HIPK3: variants seen among roughly 807,000 people sequenced by gnomAD.
HIPK3 encodes the protein homeodomain interacting protein kinase 3, also known as homeodomain-interacting protein kinase 3.
A neutral mutation model predicts 124.2 loss-of-function variants in HIPK3; 47 were observed. That is an observed-to-expected ratio of 0.38 (90% CI 0.30 to 0.48). The LOEUF (loss-of-function observed/expected upper bound fraction) is 0.48, where lower values mean the gene tolerates loss of function less well. HIPK3 is among the 20% of genes least tolerant of loss of function. HIPK3 has a pLI of 0.98. For missense variants in HIPK3, 1,286 were observed against 1,454.3 expected (o/e 0.88, Z 1.88); for synonymous variants, 482 against 515.2 (o/e 0.94, Z 0.87).
intron 1 of HIPK3, among the ~76,000 whole-genome samples, chr11:33,281,325 C>A (rs1436630999): frequency 6.6e-6 from 1 of 152,078 alleles, no homozygotes; most frequent in Non-Finnish European, 1.5e-5. Flanking sequence ...CAAAAGTAGA[C>A]AGGATAGCAT....
intron 6 of HIPK3, among the ~76,000 whole-genome samples, chr11:33,339,895 G>C (rs536452973): frequency 6.6e-6 from 1 of 152,166 alleles, no homozygotes; most frequent in Admixed American, 6.5e-5. Flanking sequence ...ATCATATTTT[G>C]AGTCGTGCAA....
chr11:33,261,133 TAAA>T (rs1565049981), intron 1 of HIPK3, among the ~76,000 whole-genome samples: 13 of 70,200 alleles, frequency 1.9e-4, no homozygotes, highest in African/African-American at 5.7e-4. Flanking sequence ...ATATTATATA[TAAA>T]ATATAAAATA....
chr11:33,290,221 CTT>C (rs1423660543), intron 2 of HIPK3, among the ~76,000 whole-genome samples: 1 of 152,106 alleles, frequency 6.6e-6, no homozygotes, highest in East Asian at 1.9e-4. Flanking sequence ...ACCATTAAAA[CTT>C]TTCAGATCAT....
At chr11:33,265,850 C>T (rs1850943478) in intron 1 of HIPK3, among the ~76,000 whole-genome samples, 1 of 149,570 alleles carries the variant, frequency 6.7e-6, no homozygotes, top group East Asian at 2.0e-4. Flanking sequence ...CTTGGGGAGG[C>T]CGAGGCGGGT....
intron 14 of HIPK3, among the ~76,000 whole-genome samples, chr11:33,350,031 C>T (rs1853610800): frequency 6.6e-6 from 1 of 152,146 alleles, no homozygotes. Flanking sequence ...TCCCAAAATG[C>T]TAGGATTACA....
chr11:33,351,827 G>T lies in HIPK3; in HGVS notation c.3027G>T (p.Glu1009Asp). The T allele has an allele frequency of 6.2e-7, 1 of 1,613,220 alleles. No individual in the cohort carries two copies. The highest frequency in any genetic ancestry group is 8.5e-7 in the Non-Finnish European group (1 of 1,179,274). ...TAGAAAATGGCTTAAATGCCGATGA[G>T]CATATGGCAAACACAGGTAAGTTGA... ...VELENGLNAD[E>D]HMANTDSICQ... Residue 1009 changes from glutamate to aspartate, a missense_variant, in exon 15 of 17, where the codon GAG becomes GAT. Glu to Asp is a conservative substitution (Grantham distance 45, BLOSUM62 2). Around this residue, in one of 3 missense-constraint regions of HIPK3, gnomAD observed 810 missense variants for 864.9 expected, o/e 0.94. Coordinates refer to ENST00000303296, the MANE Select transcript of HIPK3 (RefSeq NM_005734.5).
chr11:33,312,252 T>C (rs1019176879), intron 2 of HIPK3, among the ~76,000 whole-genome samples: 6 of 152,202 alleles, frequency 3.9e-5, no homozygotes, highest in African/African-American at 1.4e-4. Context: ...TCAGTATATT[T>C]GAAGGTGCCT....
intron 2 of HIPK3, among the ~76,000 whole-genome samples, chr11:33,291,569 G>A (rs892454537): frequency 5.3e-5 from 8 of 152,180 alleles, no homozygotes; most frequent in African/African-American, 9.7e-5. Flanking sequence ...CGTGCTAAGG[G>A]CATTGATTTG....
intron 16 of HIPK3, 41 bp from the exon 17 acceptor site, chr11:33,353,051 G>A (rs748639515): frequency 8.8e-7 from 1 of 1,140,874 alleles, no homozygotes; most frequent in East Asian, 2.4e-5. Context: ...TATCTTTTAA[G>A]GTATGTTATT....
chr11:33,269,465 GTTTT>G (rs112291602), intron 1 of HIPK3, among the ~76,000 whole-genome samples: 1 of 151,198 alleles, frequency 6.6e-6, no homozygotes, highest in East Asian at 1.9e-4. Flanking sequence ...TTAAAGTTCT[GTTTT>G]TTTTCCTGCT....
intron 1 of HIPK3, among the ~76,000 whole-genome samples, chr11:33,276,033 TA>T (rs1254647692): frequency 4.6e-5 from 7 of 152,230 alleles, no homozygotes; most frequent in African/African-American, 1.7e-4. Context: ...GTTTTCTGTT[TA>T]ACTTATCCTT....
At chr11:33,310,769 G>A (rs928826144) in intron 2 of HIPK3, among the ~76,000 whole-genome samples, 1 of 152,240 alleles carries the variant, frequency 6.6e-6, no homozygotes, top group African/African-American at 2.4e-5. Context: ...CGGTAGGACA[G>A]CGGTATGCTA....
At position 33,351,650 on chromosome 11, in the gene HIPK3, T is replaced by C. The variant is rs1456667385; in HGVS notation, c.2850T>C (p.Asp950=). 2.5e-6 allele frequency: 4 copies of C among 1,614,092 alleles called. No individual in the cohort carries two copies. Among genetic ancestry groups the C allele is most frequent in the Non-Finnish European group, 3.4e-6 (4 of 1,180,022 alleles). ...EEQESSCDTV[D]GSPTSDSSGH... ...AAGAAAGTAGTTGTGATACGGTGGA[T>C]GGCTCTCCGACATCTGACTCTTCCG... Residue 950 remains aspartate (D), a synonymous_variant, in exon 15 of 17, where the codon GAT becomes GAC. Transcript: ENST00000303296.
intron 2 of HIPK3, among the ~76,000 whole-genome samples, chr11:33,314,368 C>G (rs536602316): frequency 6.6e-6 from 1 of 152,100 alleles, no homozygotes; most frequent in South Asian, 2.1e-4. Flanking sequence ...GAATCTGACT[C>G]TAGGCTGGGG....
At chr11:33,280,095 G>C (rs893770707) in intron 1 of HIPK3, among the ~76,000 whole-genome samples, 1 of 152,110 alleles carries the variant, frequency 6.6e-6, no homozygotes, top group African/African-American at 2.4e-5. Context: ...TAATTCTAAG[G>C]AATGAAAGCT....
chr11:33,273,944 T>C (rs549417355), intron 1 of HIPK3, among the ~76,000 whole-genome samples: 1 of 152,330 alleles, frequency 6.6e-6, no homozygotes, highest in Admixed American at 6.5e-5. Flanking sequence ...TCTCATTCTG[T>C]TGGTTTTTAG....
intron 8 of HIPK3, among the ~76,000 whole-genome samples, chr11:33,342,710 C>T (rs1853373352): frequency 6.6e-6 from 1 of 152,140 alleles, no homozygotes; most frequent in Non-Finnish European, 1.5e-5. Flanking sequence ...CATGCGCCAC[C>T]ACGCCTGGCT....
At chr11:33,333,144 A>G (rs562694180) in intron 3 of HIPK3, among the ~76,000 whole-genome samples, 6 of 152,326 alleles carry the variant, frequency 3.9e-5, no homozygotes, top group South Asian at 2.1e-4. Context: ...GGAGGGGACA[A>G]ACATTCAAAC....
At chr11:33,348,469 T>C in intron 12 of HIPK3, 53 bp from the exon 13 acceptor site, 2 of 1,411,306 alleles carry the variant, frequency 1.4e-6, no homozygotes, top group Non-Finnish European at 1.9e-6. Context: ...CCTTAGACAA[T>C]TGATTATACA....
Sources: allele counts gnomAD v4.1 joint callset (sites outside exome capture counted in the v4.1 genomes callset), GRCh38; gene constraint gnomAD v4.1.1; regional missense constraint gnomAD v4.1.1; transcripts MANE v1.5; gene names NCBI Gene and HGNC (gene_info 2026-07-23, HGNC 2026-07-21).